CCDC150: variants seen among roughly 807,000 people sequenced by gnomAD.
CCDC150 encodes the protein coiled-coil domain containing 150, also known as coiled-coil domain-containing protein 150.
CCDC150 carries 151 observed loss-of-function variants against 156.5 expected under a neutral mutation model. The ratio of observed to expected loss-of-function variants is 0.97; its 90% CI spans 0.85 to 1.10. The LOEUF is 1.10. CCDC150 is among the 50% of genes least tolerant of loss of function. The pLI is 0.00. For missense variants in CCDC150, 1,312 were observed against 1,268.1 expected, an observed-to-expected ratio of 1.03 and a Z score of -0.53; for synonymous variants, 452 against 429.4, an observed-to-expected ratio of 1.05 and a Z score of -0.65.
chr2:196,731,547 CCA>C (rs1293512078), intron 26 of CCDC150, among the ~76,000 whole-genome samples: 1 of 151,324 alleles, frequency 6.6e-6, no homozygotes, highest in African/African-American at 2.4e-5. Context: ...TGGTGGTGCA[CCA>C]TGCCCAGCTA....
At chr2:196,693,900 G>A (rs148895703) in intron 13 of CCDC150, among the ~76,000 whole-genome samples, 169 of 151,774 alleles carry the variant, frequency 1.1e-3, no homozygotes, top group African/African-American at 3.9e-3. Flanking sequence ...TGGTTATATG[G>A]GTTTTCTTCT....
intron 18 of CCDC150, 80 bp downstream of exon 18, chr2:196,718,711 T>G: frequency 6.6e-7 from 1 of 1,512,836 alleles, no homozygotes. Context: ...ATGTTTCGCT[T>G]TCTTGCTTCC....
At chr2:196,655,082 G>C (rs567509359) in intron 2 of CCDC150, among the ~76,000 whole-genome samples, 15 of 152,326 alleles carry the variant, frequency 9.8e-5, no homozygotes, top group African/African-American at 2.6e-4. Context: ...TCTATCCTCA[G>C]GGTGAAGCTG....
chr2:196,710,002 C>T (rs181274048), intron 15 of CCDC150, among the ~76,000 whole-genome samples: 16 of 152,340 alleles, frequency 1.1e-4, no homozygotes, highest in East Asian at 3.9e-4. Flanking sequence ...GTCTGTTCTC[C>T]GAGCTCAAAC....
At chr2:196,699,480 C>T (rs1696053655) in intron 14 of CCDC150, among the ~76,000 whole-genome samples, 1 of 150,622 alleles carries the variant, frequency 6.6e-6, no homozygotes, top group East Asian at 1.9e-4. Flanking sequence ...TTCTTCTAGC[C>T]AAGGCAACTG....
At chr2:196,644,957 A>G (rs1399005874) in intron 1 of CCDC150, among the ~76,000 whole-genome samples, 1 of 72,806 alleles carries the variant, frequency 1.4e-5, no homozygotes, top group East Asian at 8.6e-4. Flanking sequence ...TCTACTAAAA[A>G]TACAAAAAAA....
intron 10 of CCDC150, 122 bp from the exon 11 acceptor site, chr2:196,676,021 A>C (rs1261879053): frequency 1.2e-5 from 10 of 855,112 alleles, no homozygotes; most frequent in Non-Finnish European, 1.6e-5. Context: ...AAGAGGTTTT[A>C]TTTATGTAAA....
intron 2 of CCDC150, among the ~76,000 whole-genome samples, 182 bp from the exon 3 acceptor site, chr2:196,656,451 C>A (rs1358675751): frequency 6.6e-6 from 1 of 152,080 alleles, no homozygotes; most frequent in African/African-American, 2.4e-5. Context: ...GTCAATTAAT[C>A]AATTCTCAGA....
At chr2:196,677,138 C>G in intron 12 of CCDC150, 155 bp from the exon 13 acceptor site, 1 of 713,326 alleles carries the variant, frequency 1.4e-6, no homozygotes, top group East Asian at 2.7e-5. Context: ...GTCTGCTCTG[C>G]CTCAGAGACT....
chr2:196,687,886 T>G (rs1465114508), intron 13 of CCDC150, among the ~76,000 whole-genome samples: 2 of 152,156 alleles, frequency 1.3e-5, no homozygotes, highest in African/African-American at 4.8e-5. Flanking sequence ...TTTTGTCAGG[T>G]TTGTCAAAGG....
intron 17 of CCDC150, among the ~76,000 whole-genome samples, chr2:196,717,228 AAAT>A (rs1173091658): frequency 1.3e-5 from 2 of 152,064 alleles, no homozygotes; most frequent in Non-Finnish European, 2.9e-5. Context: ...AATAGAGAAC[AAAT>A]TACTGTACAT....
In CCDC150 at chr2:196,718,543, G is replaced by A. The variant is rs185415641; in HGVS notation, c.1907G>A (p.Arg636Gln). 3.3e-5 allele frequency: 54 copies of A among 1,613,324 alleles called. No individual in the cohort carries two copies. The East Asian group carries it at 7.8e-4, about 23-fold the overall frequency. Residue 636 changes from arginine to glutamine, a missense_variant, in exon 18 of 28, where the codon CGA becomes CAA. Arg to Gln is a conservative substitution (Grantham distance 43). Coordinates refer to ENST00000389175, the MANE Select transcript of CCDC150 (RefSeq NM_001080539.2). ...ILERSKEELS[R>Q]TVKCRNAALK... ...GAAAGAAGTAAAGAGGAGCTGTCCCGAACAGTGAAGTGTCGTAATGCGGCC... is the reference window on the plus strand; with the variant it reads ...GAAAGAAGTAAAGAGGAGCTGTCCCAAACAGTGAAGTGTCGTAATGCGGCC...
rs2125704701 is a variant in CCDC150, at chr2:196,719,776, A to G, written c.2165+110A>G. The G allele has an allele frequency of 6.0e-6, 4 of 667,914 alleles. No homozygotes were observed. In the East Asian group the frequency reaches 1.3e-4, roughly 22 times the overall value. 41.4% of individuals were successfully genotyped at this position (667,914 alleles called of 1,614,324 possible). ...TGTAGCTTCCTTTACAAAAAAAAAA[A>G]TTGCAAAATGATATGTTGAAAGAAT... On this transcript the variant is annotated intron_variant, in intron 19 of 27. Coordinates refer to ENST00000389175, the MANE Select transcript of CCDC150 (RefSeq NM_001080539.2).
intron 13 of CCDC150, among the ~76,000 whole-genome samples, chr2:196,691,783 A>G (rs572924664): frequency 6.6e-6 from 1 of 152,314 alleles, no homozygotes; most frequent in African/African-American, 2.4e-5. Context: ...TCTACTAAAA[A>G]TACAAAAATT....
intron 22 of CCDC150, among the ~76,000 whole-genome samples, chr2:196,728,166 T>A (rs1458799219): frequency 1.3e-5 from 2 of 152,034 alleles, no homozygotes; most frequent in Non-Finnish European, 2.9e-5. Flanking sequence ...TTGTCTTGAG[T>A]ATTAAATTGG....
chr2:196,640,562 A>G (rs1692154962), intron 1 of CCDC150, among the ~76,000 whole-genome samples: 1 of 152,200 alleles, frequency 6.6e-6, no homozygotes, highest in African/African-American at 2.4e-5. Context: ...TTTAAATTTG[A>G]CATTTTAAAA....
chr2:196,660,479 T>G (rs777781684), intron 5 of CCDC150, among the ~76,000 whole-genome samples: 21 of 152,340 alleles, frequency 1.4e-4, no homozygotes, highest in Admixed American at 1.3e-3. Flanking sequence ...CGGCATTTGG[T>G]CTTGTCAGTG....
intron 5 of CCDC150, among the ~76,000 whole-genome samples, chr2:196,661,419 T>C (rs1693551953): frequency 1.3e-5 from 2 of 152,160 alleles, no homozygotes; most frequent in African/African-American, 4.8e-5. Flanking sequence ...CTTTTATTTG[T>C]GTGTACCCAT....
At chr2:196,652,892 A>G (rs1692966962) in intron 2 of CCDC150, among the ~76,000 whole-genome samples, 1 of 152,236 alleles carries the variant, frequency 6.6e-6, no homozygotes, top group South Asian at 2.1e-4. Context: ...ACCACATGGA[A>G]ACTACAAAGG....
Sources: gnomAD v4.1 joint callset for allele counts (sites outside exome capture counted in the v4.1 genomes callset) on GRCh38, gnomAD v4.1.1 for gene constraint, MANE v1.5 for transcripts, NCBI Gene and HGNC (gene_info 2026-07-23, HGNC 2026-07-21) for gene names.